The following NPAS3 variants were observed in gnomAD, a reference collection of about 807,000 sequenced individuals.
NPAS3 encodes neuronal PAS domain protein 3.
NPAS3 carries 14 observed loss-of-function variants against 73.1 expected under a neutral mutation model. The ratio of observed to expected loss-of-function variants is 0.19; its 90% CI spans 0.13 to 0.30. The LOEUF (loss-of-function observed/expected upper bound fraction) is 0.30, where lower values mean the gene tolerates loss of function less well. Ranked by LOEUF, NPAS3 falls within the 10% of genes least tolerant of loss-of-function variation. The pLI is 1.00. For missense variants in NPAS3, 1,096 were observed against 1,250.0 expected (o/e 0.88, Z 1.86); for synonymous variants, 620 against 541.5 (o/e 1.14, Z -2.01).
intron 1 of NPAS3, among the ~76,000 whole-genome samples, chr14:32,973,812 C>T (rs2037540558): frequency 6.6e-6 from 1 of 152,274 alleles, no homozygotes; most frequent in Admixed American, 6.5e-5. Context: ...GCTGGGATTA[C>T]AGGTGTAAGC....
chr14:33,246,262 A>G (rs762832753), intron 3 of NPAS3, among the ~76,000 whole-genome samples: 12 of 152,108 alleles, frequency 7.9e-5, no homozygotes, highest in African/African-American at 2.7e-4. Context: ...GTGCTCGGCC[A>G]GGTGCGGTGG....
intron 2 of NPAS3, among the ~76,000 whole-genome samples, chr14:33,109,390 A>G (rs1388370385): frequency 6.6e-6 from 1 of 152,012 alleles, no homozygotes; most frequent in African/African-American, 2.4e-5. Context: ...TATGTGTATA[A>G]CCCTAGCTCA....
intron 4 of NPAS3, among the ~76,000 whole-genome samples, chr14:33,478,104 G>C (rs1346606245): frequency 6.6e-6 from 1 of 152,064 alleles, no homozygotes; most frequent in African/African-American, 2.4e-5. Flanking sequence ...GGAAAAATTA[G>C]GGAAAGAGAA....
intron 3 of NPAS3, among the ~76,000 whole-genome samples, chr14:33,279,397 A>C (rs1345010151): frequency 6.6e-6 from 1 of 152,152 alleles, no homozygotes; most frequent in Non-Finnish European, 1.5e-5. Context: ...CACTTTAGGT[A>C]CATGGACACG....
chr14:33,618,825 G>A (rs1448555176), intron 5 of NPAS3, among the ~76,000 whole-genome samples: 2 of 152,190 alleles, frequency 1.3e-5, no homozygotes, highest in Non-Finnish European at 2.9e-5. Flanking sequence ...TTTCTAGTAA[G>A]TGCAACTTGA....
At chr14:33,466,712 T>C (rs1374680393) in intron 4 of NPAS3, among the ~76,000 whole-genome samples, 1 of 152,118 alleles carries the variant, frequency 6.6e-6, no homozygotes, top group Non-Finnish European at 1.5e-5. Context: ...GCGTCTCACA[T>C]GATGGGAGCA....
intron 4 of NPAS3, among the ~76,000 whole-genome samples, chr14:33,460,746 A>G (rs940635289): frequency 2.0e-5 from 3 of 152,052 alleles, no homozygotes; most frequent in Admixed American, 2.0e-4. Flanking sequence ...TACCTACTGG[A>G]TTTGCTATTC....
intron 2 of NPAS3, among the ~76,000 whole-genome samples, chr14:33,115,650 C>A (rs1257921589): frequency 2.0e-5 from 3 of 152,070 alleles, no homozygotes; most frequent in Non-Finnish European, 2.9e-5. Context: ...ATATGTGTTA[C>A]CTAAATATAA....
intron 7 of NPAS3, among the ~76,000 whole-genome samples, chr14:33,736,619 A>G (rs1210863960): frequency 2.0e-5 from 3 of 152,220 alleles, no homozygotes; most frequent in African/African-American, 7.2e-5. Flanking sequence ...TTGGAGTTCT[A>G]TAAGCAGACC....
At chr14:33,659,065 G>A (rs771293689) in intron 5 of NPAS3, among the ~76,000 whole-genome samples, 3 of 152,002 alleles carry the variant, frequency 2.0e-5, no homozygotes, top group Admixed American at 6.6e-5. Flanking sequence ...TTGCTCATTC[G>A]TTCAATTAAC....
intron 3 of NPAS3, among the ~76,000 whole-genome samples, chr14:33,313,487 T>A (rs1594667554): frequency 6.6e-6 from 1 of 152,100 alleles, no homozygotes; most frequent in Non-Finnish European, 1.5e-5. Flanking sequence ...GAAATGTCTA[T>A]CCTGCTCCTC....
chr14:33,501,019 A>G (rs937104523), intron 4 of NPAS3, among the ~76,000 whole-genome samples: 1 of 152,008 alleles, frequency 6.6e-6, no homozygotes. Context: ...CATACTTAGG[A>G]TGTTGTCTTT....
At chr14:33,299,731 A>G (rs763358741) in intron 3 of NPAS3, among the ~76,000 whole-genome samples, 9 of 152,204 alleles carry the variant, frequency 5.9e-5, no homozygotes, top group Admixed American at 3.9e-4. Context: ...AAAAAAAGCA[A>G]TGATAAAATA....
At chr14:33,349,269 A>G (rs1054459478) in intron 3 of NPAS3, among the ~76,000 whole-genome samples, 5 of 152,216 alleles carry the variant, frequency 3.3e-5, no homozygotes, top group African/African-American at 1.2e-4. Flanking sequence ...GTTAAAAAAC[A>G]GTTTCGTCCA....
intron 6 of NPAS3, among the ~76,000 whole-genome samples, chr14:33,691,364 A>C (rs1341704180): frequency 6.6e-6 from 1 of 152,224 alleles, no homozygotes; most frequent in Admixed American, 6.5e-5. Flanking sequence ...TTGTTTTTGG[A>C]AAATATTAAT....
intron 2 of NPAS3, among the ~76,000 whole-genome samples, chr14:33,072,728 G>A (rs2041528032): frequency 6.6e-6 from 1 of 152,180 alleles, no homozygotes; most frequent in African/African-American, 2.4e-5. Context: ...TGGCAGGGCT[G>A]CGTGGGAACC....
intron 5 of NPAS3, among the ~76,000 whole-genome samples, chr14:33,627,504 C>T (rs917297128): frequency 2.0e-5 from 3 of 152,102 alleles, no homozygotes; most frequent in African/African-American, 7.2e-5. Context: ...CAGATCCTCA[C>T]GTAATAGTTG....
At chr14:33,641,085 T>A (rs1305294713) in intron 5 of NPAS3, among the ~76,000 whole-genome samples, 1 of 152,216 alleles carries the variant, frequency 6.6e-6, no homozygotes, top group African/African-American at 2.4e-5. Context: ...CATGTATTTC[T>A]CTAATGAAAA....
intron 1 of NPAS3, among the ~76,000 whole-genome samples, chr14:33,011,270 C>T (rs570993469): frequency 3.9e-5 from 6 of 152,112 alleles, no homozygotes; most frequent in Non-Finnish European, 5.9e-5. Flanking sequence ...TTTTCCAACC[C>T]GCTTATTCAA....
Sources: gnomAD v4.1 joint callset for allele counts (sites outside exome capture counted in the v4.1 genomes callset) on GRCh38, gnomAD v4.1.1 for gene constraint, MANE v1.5 for transcripts, NCBI Gene and HGNC (gene_info 2026-07-23, HGNC 2026-07-21) for gene names.